Variants in SMAD1 observed in about 807,000 individuals in gnomAD.
The protein encoded by SMAD1 is MAD, mothers against decapentaplegic homolog 1.
Under a neutral mutation model 41.6 loss-of-function variants are expected in SMAD1, and 6 were observed. The observed-to-expected ratio is 0.14, with a 90% CI of 0.08 to 0.28. The LOEUF is 0.28. Ranked by LOEUF, SMAD1 falls within the 10% of genes least tolerant of loss-of-function variation. The pLI is 1.00. For missense variants in SMAD1, 379 were observed against 582.6 expected, an observed-to-expected ratio of 0.65 and a Z score of 3.60; for synonymous variants, 206 against 203.2, an observed-to-expected ratio of 1.01 and a Z score of -0.12.
chr4:145,506,015 T>C (rs1358311700), intron 1 of SMAD1, among the ~76,000 whole-genome samples: 3 of 152,086 alleles, frequency 2.0e-5, no homozygotes, highest in Non-Finnish European at 4.4e-5. Context: ...GGCTTATTTT[T>C]GTATTTTTAG....
chr4:145,551,658 AACT>A (rs1478862228), intron 5 of SMAD1, among the ~76,000 whole-genome samples: 2 of 152,218 alleles, frequency 1.3e-5, no homozygotes, highest in Non-Finnish European at 2.9e-5. Flanking sequence ...ATGGCTAATA[AACT>A]ACGAGAGCAT....
intron 5 of SMAD1, among the ~76,000 whole-genome samples, chr4:145,549,908 G>A (rs1274830260): frequency 2.0e-5 from 3 of 152,122 alleles, no homozygotes; most frequent in African/African-American, 4.8e-5. Flanking sequence ...CTCTGAAATT[G>A]TATGTAAACA....
At chr4:145,549,853 C>T (rs763617199) in intron 5 of SMAD1, among the ~76,000 whole-genome samples, 1 of 152,088 alleles carries the variant, frequency 6.6e-6, no homozygotes, top group Non-Finnish European at 1.5e-5. Context: ...AATGCTAGAA[C>T]CTAGGTTCAT....
intron 1 of SMAD1, among the ~76,000 whole-genome samples, chr4:145,483,352 C>G (rs570294060): frequency 2.0e-5 from 3 of 152,324 alleles, no homozygotes; most frequent in Non-Finnish European, 4.4e-5. Flanking sequence ...CAGAACATCT[C>G]TGGGTCTAAT....
chr4:145,556,548 C>G lies in SMAD1; in HGVS notation c.1255-1243C>G, dbSNP rs58968834. On this transcript the variant is annotated intron_variant, in intron 6 of 6. Transcript: ENST00000302085. ...CTCGGCTCACTGCAACCTCTGCCTC[C>G]CAGCTTCAAGCAATTCTCCTGCCTC... Among the ~76,000 whole-genome samples, 536 of 151,200 alleles carry G rather than the reference C, an allele frequency of 3.5e-3. 5 individuals carry two copies. The highest frequency in any genetic ancestry group is 0.014 in the Middle Eastern group (4 of 294).
intron 1 of SMAD1, among the ~76,000 whole-genome samples, chr4:145,504,988 AC>A (rs1729683741): frequency 6.6e-6 from 1 of 152,204 alleles, no homozygotes; most frequent in South Asian, 2.1e-4. Context: ...TTTTAACCCT[AC>A]GTCTTTAGTG....
chr4:145,542,991 T>C (rs78743141), intron 4 of SMAD1, among the ~76,000 whole-genome samples: 1 of 152,152 alleles, frequency 6.6e-6, no homozygotes, highest in Non-Finnish European at 1.5e-5. Flanking sequence ...TGTTTTTTTT[T>C]GAGACGGAGT....
intron 1 of SMAD1, among the ~76,000 whole-genome samples, chr4:145,505,977 G>A (rs2126362252): frequency 6.6e-6 from 1 of 151,772 alleles, no homozygotes; most frequent in Non-Finnish European, 1.5e-5. Flanking sequence ...CCAAGTAGCT[G>A]GGTCTAAAGG....
intron 5 of SMAD1, among the ~76,000 whole-genome samples, chr4:145,549,472 C>T (rs540841717): frequency 3.9e-5 from 6 of 152,284 alleles, no homozygotes; most frequent in Non-Finnish European, 7.4e-5. Flanking sequence ...CACACATGCA[C>T]GGTGCGTGTG....
intron 1 of SMAD1, among the ~76,000 whole-genome samples, chr4:145,494,442 G>T (rs1239193325): frequency 6.6e-6 from 1 of 152,162 alleles, no homozygotes; most frequent in African/African-American, 2.4e-5. Context: ...AGCATCTGTT[G>T]TAATGCCTTT....
At chr4:145,537,378 A>G (rs951098457) in intron 2 of SMAD1, among the ~76,000 whole-genome samples, 1 of 152,128 alleles carries the variant, frequency 6.6e-6, no homozygotes, top group East Asian at 1.9e-4. Context: ...GGAATGGAGG[A>G]GAGAGAATGA....
At chr4:145,522,389 G>A (rs556720983) in intron 2 of SMAD1, among the ~76,000 whole-genome samples, 1 of 152,168 alleles carries the variant, frequency 6.6e-6, no homozygotes, top group Non-Finnish European at 1.5e-5. Context: ...ATCACCTTAG[G>A]TCGGGAGTTC....
chr4:145,486,712 T>G (rs1427272500), intron 1 of SMAD1, among the ~76,000 whole-genome samples: 2 of 152,180 alleles, frequency 1.3e-5, no homozygotes, highest in Non-Finnish European at 2.9e-5. Context: ...TTACAGAGAA[T>G]AGAGATACTT....
At chr4:145,513,588 C>G (rs2126404240) in intron 1 of SMAD1, among the ~76,000 whole-genome samples, 1 of 152,246 alleles carries the variant, frequency 6.6e-6, no homozygotes, top group East Asian at 1.9e-4. Context: ...TAGACACAGG[C>G]TTGTTCACTG....
intron 1 of SMAD1, among the ~76,000 whole-genome samples, chr4:145,494,388 A>C (rs533364326): frequency 6.6e-6 from 1 of 152,372 alleles, no homozygotes; most frequent in East Asian, 1.9e-4. Flanking sequence ...TGCACTGAGG[A>C]TCTTCTAACT....
chr4:145,552,051 A>G (rs1380848452), intron 5 of SMAD1, among the ~76,000 whole-genome samples: 1 of 152,248 alleles, frequency 6.6e-6, no homozygotes. Flanking sequence ...TTTTAATGAT[A>G]CCCAAAACTG....
chr4:145,507,519 T>C (rs1228687481), intron 1 of SMAD1, among the ~76,000 whole-genome samples: 1 of 152,126 alleles, frequency 6.6e-6, no homozygotes, highest in Non-Finnish European at 1.5e-5. Flanking sequence ...TTTTTCCCTA[T>C]TATAAATAAT....
At chr4:145,480,847 G>A (rs1258965033), upstream of SMAD1, among the ~76,000 whole-genome samples, 1 of 151,144 alleles carries the variant, frequency 6.6e-6, no homozygotes, top group East Asian at 1.9e-4. Context: ...TGACCAGTAA[G>A]TGCTCAAATA....
chr4:145,511,389 C>T (rs191092295), intron 1 of SMAD1, among the ~76,000 whole-genome samples: 3 of 152,186 alleles, frequency 2.0e-5, no homozygotes, highest in Non-Finnish European at 4.4e-5. Flanking sequence ...CCTCCTGCCT[C>T]TGCCCCCTGA....
Sources: allele counts gnomAD v4.1 joint callset (sites outside exome capture counted in the v4.1 genomes callset), GRCh38; gene constraint gnomAD v4.1.1; transcripts MANE v1.5; gene names NCBI Gene and HGNC (gene_info 2026-07-23, HGNC 2026-07-21).